Variants in CHI3L2 observed in about 807,000 individuals in gnomAD.
CHI3L2 encodes chitinase 3 like 2.
In CHI3L2, 47 loss-of-function variants were observed where a neutral mutation model predicts 47.3. The observed-to-expected ratio is 0.99, with a 90% CI of 0.79 to 1.27. The LOEUF is 1.27. Ranked by LOEUF, CHI3L2 falls within the 50% of genes most tolerant of loss-of-function variation. The pLI is 0.00. For missense variants in CHI3L2, 497 were observed against 462.1 expected, an observed-to-expected ratio of 1.08 and a Z score of -0.69; for synonymous variants, 198 against 169.9, an observed-to-expected ratio of 1.17 and a Z score of -1.28.
At chr1:111,235,545 T>C (rs190141694) in intron 5 of CHI3L2, 94 bp from the exon 6 acceptor site, 3 of 1,387,362 alleles carry the variant, frequency 2.2e-6, no homozygotes, top group East Asian at 2.3e-5. Context: ...TTCCATCTAA[T>C]GTGGTTCTAG....
chr1:111,235,539 A>G lies in CHI3L2; in HGVS notation c.481-100A>G, dbSNP rs1343079989. On this transcript the variant is annotated intron_variant, in intron 5 of 10. Coordinates refer to ENST00000369748, the MANE Select transcript of CHI3L2 (RefSeq NM_004000.3). ...GGGGAGGAAAGGGTTGATCCTTTCC[A>G]TCTAATGTGGTTCTAGAAACCTCAT... 7 of 1,351,500 alleles carry G rather than the reference A, an allele frequency of 5.2e-6. No homozygotes were observed. The African/African-American group carries it at 1.0e-4, about 20-fold the overall frequency. The allele number at this position is 1,351,500 out of a possible 1,614,324, so 83.7% of individuals were successfully genotyped here.
In CHI3L2 at chr1:111,231,308, T is replaced by C; in HGVS notation, c.329+14T>C. 6.3e-7 allele frequency: 1 copy of C among 1,583,138 alleles called. No individual in the cohort carries two copies. The highest frequency in any genetic ancestry group is 8.6e-7 in the Non-Finnish European group (1 of 1,157,294). On this transcript the variant is annotated intron_variant, in intron 4 of 10. Transcript: ENST00000369748. ...TGGTTCCAAAGGGTAAGACTACATC[T>C]TTATTTTTTGTTCATTTCCCCATGT...
At position 111,235,064 on chromosome 1, in the gene CHI3L2, C is replaced by A; in HGVS notation, c.480+7C>A. ...TTTCACTGTGCTGATTCATGTAAGT[C>A]ATGAATCAAGTAATTCATGTGAGTC... is the stretch of plus-strand genomic sequence containing the variant. On this transcript the variant is annotated splice_region_variant and intron_variant, in intron 5 of 10. Coordinates refer to ENST00000369748, the MANE Select transcript of CHI3L2 (RefSeq NM_004000.3). The A allele has an allele frequency of 6.2e-7, 1 of 1,613,180 alleles. No homozygotes were observed. Among genetic ancestry groups the A allele is most frequent in the Non-Finnish European group, 8.5e-7 (1 of 1,179,854 alleles).
intron 4 of CHI3L2, among the ~76,000 whole-genome samples, chr1:111,234,353 C>G (rs1368667142): frequency 6.6e-6 from 1 of 151,998 alleles, no homozygotes; most frequent in African/African-American, 2.4e-5. Context: ...AAAGAGCACG[C>G]TAGGGGCAAT....
chr1:111,240,111 G>T (rs1040669032), intron 8 of CHI3L2, among the ~76,000 whole-genome samples: 6 of 151,070 alleles, frequency 4.0e-5, no homozygotes, highest in Non-Finnish European at 3.0e-5. Flanking sequence ...TGAAGGATTA[G>T]TAGAAATTTG....
In CHI3L2 at chr1:111,230,848, C is replaced by T; in HGVS notation, c.177C>T (p.Leu59=). 6.2e-7 allele frequency: 1 copy of T among 1,614,062 alleles called. No homozygotes were observed. The highest frequency in any genetic ancestry group is 8.5e-7 in the Non-Finnish European group (1 of 1,179,940). The part of the protein sequence containing the change: ...ENIDPFLCSH[L]IYSFASIENN... ...TTGACCCCTTCCTATGCTCTCATCT[C>T]ATCTATTCATTCGCCAGCATCGAAA... is the stretch of plus-strand genomic sequence containing the variant. Residue 59 remains leucine (L), a synonymous_variant, in exon 3 of 11, where the codon CTC becomes CTT. Coordinates refer to ENST00000369748, the MANE Select transcript of CHI3L2 (RefSeq NM_004000.3).
At chr1:111,229,755 C>G in intron 1 of CHI3L2, 97 bp from the exon 2 acceptor site, 1 of 1,483,178 alleles carries the variant, frequency 6.7e-7, no homozygotes, top group Non-Finnish European at 9.1e-7. Context: ...GTGGCTCTAT[C>G]TTGTATGTGA....
intron 8 of CHI3L2, among the ~76,000 whole-genome samples, chr1:111,240,017 C>T (rs2101556460): frequency 6.6e-6 from 1 of 152,128 alleles, no homozygotes; most frequent in Non-Finnish European, 1.5e-5. Flanking sequence ...ATTCAATGAC[C>T]AATGAATGGT....
intron 8 of CHI3L2, among the ~76,000 whole-genome samples, chr1:111,240,442 C>T (rs932572865): frequency 9.2e-5 from 14 of 152,158 alleles, no homozygotes; most frequent in Non-Finnish European, 1.9e-4. Context: ...ATAGCAATAA[C>T]ACTCTTAATA....
At chr1:111,237,270 A>G (rs796614884) in intron 7 of CHI3L2, among the ~76,000 whole-genome samples, 3 of 152,366 alleles carry the variant, frequency 2.0e-5, no homozygotes, top group African/African-American at 7.2e-5. Context: ...AAGCTAACCT[A>G]GAGACTAAAT....
chr1:111,237,711 C>A (rs1393194957), intron 7 of CHI3L2, among the ~76,000 whole-genome samples: 2 of 152,122 alleles, frequency 1.3e-5, no homozygotes, highest in African/African-American at 4.8e-5. Flanking sequence ...TGTCTATAAA[C>A]CAAAAATAAA....
At chr1:111,235,148 A>T in intron 5 of CHI3L2, 91 bp downstream of exon 5, 1 of 1,358,388 alleles carries the variant, frequency 7.4e-7, no homozygotes, top group Non-Finnish European at 1.0e-6. Context: ...ATTGGGAGAC[A>T]AAAAGGAGGA....
chr1:111,235,137 C>T, intron 5 of CHI3L2, 80 bp downstream of exon 5: 1 of 1,432,230 alleles, frequency 7.0e-7, no homozygotes, highest in Non-Finnish European at 9.6e-7. Context: ...TCCATGGCCA[C>T]ATTGGGAGAC....
Position 111,230,889 on chromosome 1 carries a change from T to A in CHI3L2, c.218T>A (p.Ile73Asn). The A allele has an allele frequency of 6.2e-7, 1 of 1,614,100 alleles. No homozygotes were observed. The highest frequency in any genetic ancestry group is 8.5e-7 in the Non-Finnish European group (1 of 1,180,026). Reference sequence around the variant, plus strand: ...AGCATCGAAAACAACAAGGTTATCATCAAGGACAAGAGTGAAGTGATGCTC... The same window carrying A: ...AGCATCGAAAACAACAAGGTTATCAACAAGGACAAGAGTGAAGTGATGCTC... ...FASIENNKVI[I>N]KDKSEVMLYQ... is the part of the protein sequence containing the mutation. Residue 73 changes from isoleucine (I) to asparagine (N), a missense_variant, in exon 3 of 11, where the codon ATC (isoleucine) becomes AAC (asparagine). Physicochemically the swap from Ile to Asn is moderately radical, Grantham distance 149. Transcript: ENST00000369748.
At chr1:111,236,273 T>G in intron 7 of CHI3L2, 120 bp downstream of exon 7, 1 of 1,112,544 alleles carries the variant, frequency 9.0e-7, no homozygotes, top group Non-Finnish European at 1.3e-6. Context: ...CAAGAGGGAA[T>G]TGGGTAGCCC....
At chr1:111,228,423 C>T (rs912955507) in intron 1 of CHI3L2, among the ~76,000 whole-genome samples, 1 of 152,198 alleles carries the variant, frequency 6.6e-6, no homozygotes, top group African/African-American at 2.4e-5. Flanking sequence ...CCATGAAGCC[C>T]CCACTTGGCA....
rs1660083156 is a variant in CHI3L2 at position 111,242,291 on chromosome 1, T to C, written c.1100T>C (p.Phe367Ser). Reference protein sequence around the residue: ...AMIWSIDMDDFTGKSCNQGPY... With the variant: ...AMIWSIDMDDSTGKSCNQGPY... The stretch of plus-strand genomic sequence containing the variant: ...ATCTGGTCTATTGACATGGATGACT[T>C]CACTGGCAAATCCTGCAACCAGGGC... The change falls in exon 10 of 11, where the codon TTC becomes TCC. Residue 367 changes from phenylalanine (F) to serine (S), a missense_variant. Transcript: ENST00000369748. 2 of 1,614,090 alleles carry C rather than the reference T, an allele frequency of 1.2e-6. No homozygotes were observed. Among genetic ancestry groups the C allele is most frequent in the Non-Finnish European group, 1.7e-6 (2 of 1,179,978 alleles).
chr1:111,229,008 T>C (rs140635063), intron 1 of CHI3L2, among the ~76,000 whole-genome samples: 397 of 152,370 alleles, frequency 2.6e-3, no homozygotes, highest in African/African-American at 9.3e-3. Flanking sequence ...ACTGCTTATC[T>C]TGTTCTAAGA....
chr1:111,233,725 C>T (rs1043508725), intron 4 of CHI3L2, among the ~76,000 whole-genome samples: 3 of 151,326 alleles, frequency 2.0e-5, no homozygotes, highest in Non-Finnish European at 4.4e-5. Context: ...GCCATGATGA[C>T]AATGGCGGTT....
Sources: allele counts gnomAD v4.1 joint callset (sites outside exome capture counted in the v4.1 genomes callset), GRCh38; gene constraint gnomAD v4.1.1; transcripts MANE v1.5; gene names NCBI Gene and HGNC (gene_info 2026-07-23, HGNC 2026-07-21).